The following AKAP3 variants were observed in gnomAD, a reference collection of about 807,000 sequenced individuals.
The protein encoded by AKAP3 is A-kinase anchoring protein 3.
In AKAP3, 27 loss-of-function variants were observed where a neutral mutation model predicts 57.2. The observed-to-expected ratio is 0.47, with a 90% CI of 0.35 to 0.65. The LOEUF is 0.65. Ranked by LOEUF, AKAP3 falls within the 30% of genes least tolerant of loss-of-function variation. The pLI, the probability that AKAP3 is intolerant of heterozygous loss-of-function variation, is 0.01. For synonymous variants in AKAP3, 334 were observed against 392.3 expected (o/e 0.85, Z 1.76); for missense variants, 959 against 1,040.0 (o/e 0.92, Z 1.07).
chr12:4,635,650 AT>A, intron 4 of AKAP3: 4 of 787,982 alleles, frequency 5.1e-6, no homozygotes, highest in Non-Finnish European at 8.9e-6. Context: ...CTTTAACCCA[AT>A]TTTTTGCTCT....
chr12:4,628,396 T>C lies in AKAP3; in HGVS notation c.506A>G (p.Lys169Arg). The C allele has an allele frequency of 6.2e-7, 1 of 1,614,148 alleles. No homozygotes were observed. Among genetic ancestry groups the C allele is most frequent in the Non-Finnish European group, 8.5e-7 (1 of 1,180,012 alleles). Reference protein sequence around the residue: ...LYMGNEPTPTKSLSKIASELV... With the variant: ...LYMGNEPTPTRSLSKIASELV... Reference sequence around the variant, plus strand: ...CTCTGATGCTATCTTACTGAGGCTTTTGGTGGGTGTGGGTTCATTCCCCAT... The same window carrying C: ...CTCTGATGCTATCTTACTGAGGCTTCTGGTGGGTGTGGGTTCATTCCCCAT... Residue 169 changes from lysine (K) to arginine (R), a missense_variant, in exon 5 of 6, where the codon AAA becomes AGA. Lys to Arg is a conservative substitution (Grantham distance 26). Coordinates refer to ENST00000228850, the MANE Select transcript of AKAP3 (RefSeq NM_001278309.2).
intron 4 of AKAP3, chr12:4,635,351 A>G: frequency 1.7e-6 from 1 of 574,256 alleles, no homozygotes. Context: ...TTGAGTTACT[A>G]CAACACTGAC....
In AKAP3 at chr12:4,627,524, A is replaced by T. The variant is rs10774251; in HGVS notation, c.1378T>A (p.Leu460Met). Residue 460 changes from leucine (L) to methionine (M), a missense_variant, in exon 5 of 6, where the codon TTG (leucine) becomes ATG (methionine). By Grantham distance (15) the Leu-to-Met change is conservative. Coordinates refer to ENST00000228850, the MANE Select transcript of AKAP3 (RefSeq NM_001278309.2). The part of the protein sequence containing the change: ...GEHIIKEGLT[L>M]WHKTQQKECK... ...TCTTTCTGCTGAGTTTTATGCCACA[A>T]GGTAAGCCCCTCTTTGATAATGTGC... The T allele has an allele frequency of 1.9e-5, 31 of 1,614,184 alleles. No individual in the cohort carries two copies. The highest frequency in any genetic ancestry group is 2.6e-5 in the Non-Finnish European group (31 of 1,180,042).
intron 4 of AKAP3, chr12:4,635,321 T>C (rs1274785990): frequency 6.3e-6 from 3 of 474,550 alleles, no homozygotes; most frequent in East Asian, 8.7e-5. Flanking sequence ...AAGACTATTC[T>C]AGCTAGTGCA....
At chr12:4,636,676 T>A (rs1945569614) in intron 4 of AKAP3, among the ~76,000 whole-genome samples, 1 of 152,224 alleles carries the variant, frequency 6.6e-6, no homozygotes, top group South Asian at 2.1e-4. Flanking sequence ...TTTATATAGA[T>A]CGACCAGATT....
Position 4,626,742 on chromosome 12 carries a change from G to T in AKAP3, c.2160C>A (p.Ala720=). 6.2e-7 allele frequency: 1 copy of T among 1,614,126 alleles called. No individual in the cohort carries two copies. Among genetic ancestry groups the T allele is most frequent in the Non-Finnish European group, 8.5e-7 (1 of 1,180,012 alleles). ...FPDSLYECLP[A]KGTGSAEAVL... is the part of the protein sequence containing the mutation. ...CAGCTTCTGCTGACCCTGTGCCCTT[G>T]GCTGGTAAGCACTCATATAAACTAT... Residue 720 remains alanine, a synonymous_variant, in exon 5 of 6, where the codon GCC becomes GCA. Transcript: ENST00000228850.
rs367920863 is a variant in AKAP3, at chr12:4,625,782, C to T, written c.2406+714G>A. Among the ~76,000 whole-genome samples the T allele has an allele frequency of 6.6e-6, 1 of 151,998 alleles. No homozygotes were observed. The highest frequency in any genetic ancestry group is 1.5e-5 in the Non-Finnish European group (1 of 68,018). ...TTGTAGGGATGGTCTTTTTAATTCC[C>T]GCACTTCAGTGTGAAGCATCTGGGG... On this transcript the variant is annotated intron_variant, in intron 5 of 5. Transcript: ENST00000228850. This position sits in a 1 kb window ranked among gnomAD's most constrained non-coding sequence, Gnocchi z 5.4.
At chr12:4,645,446 G>T (rs927810801) in intron 1 of AKAP3, 5 of 152,134 alleles carry the variant, frequency 3.3e-5, no homozygotes, top group African/African-American at 1.2e-4. Context: ...GAGTGGGGTG[G>T]GAGTATGGTT....
chr12:4,617,368 G>A (rs1945297253), intron 5 of AKAP3, among the ~76,000 whole-genome samples: 1 of 152,206 alleles, frequency 6.6e-6, no homozygotes, highest in South Asian at 2.1e-4. Context: ...GATATCAGAA[G>A]GAAACTGGGA....
At chr12:4,630,092 TA>T (rs1945478591) in intron 4 of AKAP3, among the ~76,000 whole-genome samples, 1 of 152,192 alleles carries the variant, frequency 6.6e-6, no homozygotes, top group Admixed American at 6.5e-5. Context: ...AGAATCACTG[TA>T]ATTATTGGAG....
chr12:4,631,219 T>C lies in AKAP3; in HGVS notation c.97-2414A>G. 3 of 582,244 alleles carry C rather than the reference T, an allele frequency of 5.2e-6. No individual in the cohort carries two copies. The East Asian group carries it at 9.6e-5, about 19-fold the overall frequency. The allele number at this position is 582,244 out of a possible 1,614,324, so 36.1% of individuals were successfully genotyped here. A position where few individuals can be genotyped will look rare whatever the true frequency, so the allele number is the denominator to read the frequency against. ...GAAATTTGATTTTATGTCTGACCAT[T>C]TGGTAATCTCTTTTATGGATTAATG... On this transcript the variant is annotated intron_variant, in intron 4 of 5. Transcript: ENST00000228850.
At chr12:4,648,258 CA>C (rs1945722910) in intron 1 of AKAP3, among the ~76,000 whole-genome samples, 1 of 152,202 alleles carries the variant, frequency 6.6e-6, no homozygotes, top group Non-Finnish European at 1.5e-5. Context: ...GAGCCATCTG[CA>C]GTTTCTCCTT....
intron 5 of AKAP3, among the ~76,000 whole-genome samples, 197 bp from the exon 6 acceptor site, chr12:4,616,091 C>T (rs1362418709): frequency 6.6e-6 from 1 of 152,254 alleles, no homozygotes; most frequent in African/African-American, 2.4e-5. Context: ...TAACACCCAC[C>T]TGCCCATGAT....
intron 3 of AKAP3, among the ~76,000 whole-genome samples, chr12:4,640,150 G>A (rs1945619952): frequency 3.3e-5 from 5 of 152,084 alleles, no homozygotes; most frequent in Admixed American, 3.3e-4. Flanking sequence ...GTCTATCATT[G>A]ATGGACATTT....
chr12:4,617,916 C>T (rs1362109459), intron 5 of AKAP3, among the ~76,000 whole-genome samples: 1 of 152,086 alleles, frequency 6.6e-6, no homozygotes, highest in Non-Finnish European at 1.5e-5. Flanking sequence ...AAGTGGTAAA[C>T]TATTGATGCT....
rs74060073 is a variant in AKAP3 at position 4,631,789 on chromosome 12, A to G, written c.97-2984T>C. 8.6e-3 allele frequency among the ~76,000 whole-genome samples: 1,303 copies of G among 152,286 alleles called. 28 individuals carry two copies. The highest frequency in any genetic ancestry group is 0.03 in the African/African-American group (1,228 of 41,544). On this transcript the variant is annotated intron_variant, in intron 4 of 5. Transcript: ENST00000228850. ...ATTAGGTAAATCTTTGGCAAATAAT[A>G]CTAGTTTAATAATTTTGGTTTAATA...
rs1178514887 is a variant in AKAP3, at chr12:4,628,810, A to G, written c.97-5T>C. On this transcript the variant is annotated splice_region_variant and splice_polypyrimidine_tract_variant and intron_variant, in intron 4 of 5. Transcript: ENST00000228850. The stretch of plus-strand genomic sequence containing the variant: ...GACAGGATCCGTGGAGGTGTCCTTA[A>G]AAATAGACAAGGATTCATCTGACTA... The G allele has an allele frequency of 6.3e-7, 1 of 1,594,622 alleles. No homozygotes were observed. Among genetic ancestry groups the G allele is most frequent in the Admixed American group, 1.7e-5 (1 of 58,664 alleles).
intron 4 of AKAP3, among the ~76,000 whole-genome samples, chr12:4,633,241 T>C (rs988060315): frequency 9.9e-5 from 15 of 151,656 alleles, no homozygotes; most frequent in African/African-American, 3.6e-4. Context: ...CTGGGCAACA[T>C]GGCGAAAATC....
intron 4 of AKAP3, among the ~76,000 whole-genome samples, chr12:4,632,348 C>T (rs1380535976): frequency 2.6e-5 from 4 of 152,278 alleles, no homozygotes; most frequent in Middle Eastern, 3.4e-3. Context: ...TACTCATCTG[C>T]GTTTCAGCTG....
Sources: allele counts gnomAD v4.1 joint callset (sites outside exome capture counted in the v4.1 genomes callset), GRCh38; gene constraint gnomAD v4.1.1; non-coding constraint Gnocchi (gnomAD v3.1); transcripts MANE v1.5; gene names NCBI Gene and HGNC (gene_info 2026-07-23, HGNC 2026-07-21).